The following PRKCA variants were observed in gnomAD, a reference collection of about 807,000 sequenced individuals.
The protein encoded by PRKCA is protein kinase C alpha.
A neutral mutation model predicts 87.0 loss-of-function variants in PRKCA; 27 were observed. That is an observed-to-expected ratio of 0.31 (90% CI 0.23 to 0.43). The LOEUF is 0.43. Ranked by LOEUF, PRKCA falls within the 20% of genes least tolerant of loss-of-function variation. The pLI is 1.00. For missense variants in PRKCA, 518 were observed against 852.3 expected, an observed-to-expected ratio of 0.61 and a Z score of 4.88; for synonymous variants, 329 against 311.1, an observed-to-expected ratio of 1.06 and a Z score of -0.61.
chr17:66,338,403 A>C (rs1199173233), intron 2 of PRKCA, among the ~76,000 whole-genome samples: 2 of 152,126 alleles, frequency 1.3e-5, no homozygotes, highest in African/African-American at 4.8e-5. Flanking sequence ...TAAGCACCTA[A>C]TGCTGCTTGA....
At chr17:66,765,454 A>ATATATATCTATC (rs1218360664) in intron 13 of PRKCA, among the ~76,000 whole-genome samples, 2 of 130,090 alleles carry the variant, frequency 1.5e-5, no homozygotes, top group African/African-American at 5.8e-5. Context: ...ATATATATAT[A>ATATATATCTATC]TCCATATATA....
intron 2 of PRKCA, among the ~76,000 whole-genome samples, chr17:66,399,108 T>TCTTTTTTTTC (rs1910862337): frequency 4.0e-5 from 6 of 149,924 alleles, no homozygotes; most frequent in Admixed American, 4.0e-4. Flanking sequence ...TTCTTTTTTT[T>TCTTTTTTTTC]TTTTTTTTGA....
intron 2 of PRKCA, among the ~76,000 whole-genome samples, chr17:66,336,423 G>A (rs1196629785): frequency 1.3e-5 from 2 of 152,154 alleles, no homozygotes; most frequent in African/African-American, 4.8e-5. Context: ...TGAATGGGAG[G>A]CATCTCAAGG....
intron 8 of PRKCA, among the ~76,000 whole-genome samples, chr17:66,710,975 G>A (rs577228605): frequency 3.5e-4 from 53 of 152,124 alleles, no homozygotes; most frequent in African/African-American, 1.2e-3. Context: ...CCCGGGAGGC[G>A]GAGGTTGCAG....
chr17:66,667,604 A>G (rs1972074696), intron 5 of PRKCA, among the ~76,000 whole-genome samples: 1 of 152,198 alleles, frequency 6.6e-6, no homozygotes, highest in Admixed American at 6.5e-5. Context: ...TAGGGGAACT[A>G]CAAGATGAGA....
chr17:66,789,457 T>TCCACCACTG (rs1158848045), intron 16 of PRKCA, among the ~76,000 whole-genome samples: 1 of 152,226 alleles, frequency 6.6e-6, no homozygotes, highest in Admixed American at 6.5e-5. Context: ...CGCCCCCTCT[T>TCCACCACTG]CCACCACTGC....
At chr17:66,790,994 T>G (rs1198147772) in intron 16 of PRKCA, among the ~76,000 whole-genome samples, 5 of 150,428 alleles carry the variant, frequency 3.3e-5, no homozygotes, top group Non-Finnish European at 7.4e-5. Context: ...TTTGCTGGTT[T>G]TTTTTTTTTT....
chr17:66,614,713 A>C (rs544529424), intron 3 of PRKCA, among the ~76,000 whole-genome samples: 1 of 152,340 alleles, frequency 6.6e-6, no homozygotes, highest in South Asian at 2.1e-4. Context: ...AGTGTTCCAC[A>C]AGTGGCAGTT....
At chr17:66,491,251 C>A (rs1000225654) in intron 2 of PRKCA, among the ~76,000 whole-genome samples, 1 of 152,154 alleles carries the variant, frequency 6.6e-6, no homozygotes, top group South Asian at 2.1e-4. Context: ...TGACTGGAAG[C>A]TGCAGGATAG....
At chr17:66,755,072 G>A (rs533410134) in intron 13 of PRKCA, among the ~76,000 whole-genome samples, 7 of 152,214 alleles carry the variant, frequency 4.6e-5, no homozygotes, top group African/African-American at 1.7e-4. Context: ...TCACCTTCCC[G>A]ATTTCTGCCA....
Position 66,482,244 on chromosome 17 carries a change from A to G in PRKCA, c.206-13957A>G, listed in dbSNP as rs147441796. ...AATCAACTGGCTTGTTTAATAAACA[A>G]ATATGTGCTAAGGATGATGGCTCCT... On this transcript the variant is annotated intron_variant, in intron 2 of 16. Transcript: ENST00000413366. Among the ~76,000 whole-genome samples, 77 of 152,300 alleles carry G rather than the reference A, an allele frequency of 5.1e-4. 1 individual carries two copies. Among genetic ancestry groups the G allele is most frequent in the African/African-American group, 1.8e-3 (76 of 41,564 alleles).
At chr17:66,380,948 T>A (rs1268155739) in intron 2 of PRKCA, among the ~76,000 whole-genome samples, 2 of 151,572 alleles carry the variant, frequency 1.3e-5, no homozygotes, top group Non-Finnish European at 2.9e-5. Flanking sequence ...TTTTTCTTTT[T>A]TTTTTTTTGG....
At chr17:66,680,619 G>T (rs903704843) in intron 5 of PRKCA, among the ~76,000 whole-genome samples, 2 of 152,172 alleles carry the variant, frequency 1.3e-5, no homozygotes, top group African/African-American at 4.8e-5. Flanking sequence ...CAGAGTCACT[G>T]TGGGTCAGTG....
Position 66,809,298 on chromosome 17 carries a change from T to C in PRKCA, c.*5261T>C, listed in dbSNP as rs936070033. 6.6e-6 allele frequency: 1 copy of C among 152,564 alleles called. No homozygotes were observed. The highest frequency in any genetic ancestry group is 1.5e-5 in the Non-Finnish European group (1 of 68,050). 9.5% of individuals were successfully genotyped at this position (152,564 alleles called of 1,614,324 possible). ...AGGATTCTGACCCCTGTGCCTCCCA[T>C]TTATGTGATCAGGTGACAGTTAATA... is the stretch of plus-strand genomic sequence containing the variant. On this transcript the variant is annotated 3_prime_UTR_variant, in exon 17 of 17. Transcript: ENST00000413366.
intron 2 of PRKCA, among the ~76,000 whole-genome samples, chr17:66,337,614 G>A (rs535710004): frequency 5.9e-5 from 9 of 151,998 alleles, no homozygotes; most frequent in East Asian, 1.9e-4. Context: ...TCAAACTCCC[G>A]GTCTTAAGCA....
Position 66,798,453 on chromosome 17 carries a change from CGGTGGTGGTGGT to C in PRKCA, c.1855-5397_1855-5386del, listed in dbSNP as rs1165425981. ...GTGGTGACGGTGGTGGTGGTGGTGA[CGGTGGTGGTGGT>C]GGTGGTGGTGGTGGTGGTGGTGACG... On this transcript the variant is annotated intron_variant, in intron 16 of 16. Coordinates refer to ENST00000413366, the MANE Select transcript of PRKCA (RefSeq NM_002737.3). 4.6e-4 allele frequency among the ~76,000 whole-genome samples: 4 copies of C among 8,744 alleles called. 1 individual carries two copies. In the East Asian group the frequency reaches 0.016, roughly 36 times the overall value. The allele number at this position is 8,744 out of a possible 152,430, so 5.7% of individuals were successfully genotyped here. A position where few individuals can be genotyped will look rare whatever the true frequency, so the allele number is the denominator to read the frequency against.
intron 5 of PRKCA, among the ~76,000 whole-genome samples, chr17:66,653,505 C>T (rs192304718): frequency 1.4e-4 from 22 of 152,268 alleles, no homozygotes; most frequent in Admixed American, 7.2e-4. Context: ...GCAGAAGGAT[C>T]GCTTGAACCC....
intron 2 of PRKCA, among the ~76,000 whole-genome samples, chr17:66,361,988 C>T (rs1908415439): frequency 6.6e-6 from 1 of 152,116 alleles, no homozygotes; most frequent in South Asian, 2.1e-4. Context: ...ATCACCTGCT[C>T]TATTAAGCCA....
At chr17:66,327,472 G>C (rs761622707) in intron 2 of PRKCA, among the ~76,000 whole-genome samples, 2 of 151,926 alleles carry the variant, frequency 1.3e-5, no homozygotes, top group Non-Finnish European at 2.9e-5. Context: ...GGAGGTGGAG[G>C]TTGCAGTGAG....
Sources: allele counts gnomAD v4.1 joint callset (sites outside exome capture counted in the v4.1 genomes callset), GRCh38; gene constraint gnomAD v4.1.1; transcripts MANE v1.5; gene names NCBI Gene and HGNC (gene_info 2026-07-23, HGNC 2026-07-21).